Variants in TENM2 observed in about 807,000 individuals in gnomAD.
TENM2 encodes the protein teneurin-2.
In TENM2, 52 loss-of-function variants were observed where a neutral mutation model predicts 245.2. The ratio of observed to expected loss-of-function variants is 0.21; its 90% CI spans 0.17 to 0.27. The LOEUF (loss-of-function observed/expected upper bound fraction) is 0.27, where lower values mean the gene tolerates loss of function less well. Among genes scored for constraint, TENM2 ranks in the 10% least tolerant of loss-of-function variants. TENM2 has a pLI of 1.00. For synonymous variants in TENM2, 1,363 were observed against 1,438.9 expected (o/e 0.95, Z 1.19); for missense variants, 3,046 against 3,666.8 (o/e 0.83, Z 4.37).
At chr5:168,214,853 A>G (rs994145386) in intron 20 of TENM2, 187 bp from the exon 23 acceptor site, 3 of 689,028 alleles carry the variant, frequency 4.4e-6, no homozygotes, top group African/African-American at 3.5e-5. Context: ...CATAAGTCCA[A>G]TTAGAAGTAG....
intron 1 of TENM2, among the ~76,000 whole-genome samples, chr5:167,359,298 C>G (rs1224487742): frequency 6.6e-6 from 1 of 152,164 alleles, no homozygotes; most frequent in Non-Finnish European, 1.5e-5. Flanking sequence ...TGCCTTCATT[C>G]CAGCCACAAA....
Position 168,249,082 on chromosome 5 carries a change from T to G in TENM2, c.7432+711T>G, listed in dbSNP as rs193223053. Among the ~76,000 whole-genome samples, 75 of 149,460 alleles carry G rather than the reference T, an allele frequency of 5.0e-4. No homozygotes were observed. The East Asian group carries it at 0.013, about 27-fold the overall frequency. On this transcript the variant is annotated intron_variant, in intron 27 of 28. Transcript: ENST00000518659. ...TTGCAGTGAGTTGAGATCATGCCACTGCACTCCACCTAGCCTAGGTGACAG... is the reference window on the plus strand; with the variant it reads ...TTGCAGTGAGTTGAGATCATGCCACGGCACTCCACCTAGCCTAGGTGACAG...
intron 4 of TENM2, among the ~76,000 whole-genome samples, chr5:167,991,628 C>G (rs1024921199): frequency 2.0e-5 from 3 of 152,222 alleles, no homozygotes; most frequent in Admixed American, 1.3e-4. Context: ...TCTACACTGC[C>G]TGTTCTACTG....
chr5:167,958,433 A>G (rs530010238), intron 4 of TENM2, among the ~76,000 whole-genome samples: 3 of 152,172 alleles, frequency 2.0e-5, no homozygotes, highest in South Asian at 4.1e-4. Context: ...TCTTTATCCA[A>G]TTTGCCAGTC....
chr5:168,060,267 G>A (rs1789925417), intron 6 of TENM2, among the ~76,000 whole-genome samples: 2 of 151,722 alleles, frequency 1.3e-5, no homozygotes, highest in South Asian at 4.2e-4. Context: ...ACTTTAAGCA[G>A]ACAGGGATGG....
chr5:167,434,659 C>G (rs903837141), intron 2 of TENM2, among the ~76,000 whole-genome samples: 8 of 152,072 alleles, frequency 5.3e-5, no homozygotes, highest in African/African-American at 1.9e-4. Flanking sequence ...CAACACAATA[C>G]TCTGTCTTGT....
intron 1 of TENM2, among the ~76,000 whole-genome samples, chr5:167,344,280 A>ACG (rs1360514426): frequency 8.1e-5 from 10 of 122,822 alleles, no homozygotes; most frequent in African/African-American, 2.7e-4. Flanking sequence ...ATGCACGTGC[A>ACG]CGCACACACA....
chr5:167,451,194 C>T (rs1373012777), intron 2 of TENM2, among the ~76,000 whole-genome samples: 1 of 152,112 alleles, frequency 6.6e-6, no homozygotes, highest in Non-Finnish European at 1.5e-5. Context: ...TGTGCCGTTT[C>T]TCATATTTAA....
chr5:168,043,000 C>T (rs1477073970), intron 5 of TENM2, among the ~76,000 whole-genome samples: 7 of 152,186 alleles, frequency 4.6e-5, no homozygotes. Flanking sequence ...ATGAATTGTA[C>T]ATTTTGGCTG....
chr5:167,658,842 G>A (rs1755021550), intron 2 of TENM2, among the ~76,000 whole-genome samples: 3 of 152,160 alleles, frequency 2.0e-5, no homozygotes, highest in African/African-American at 7.2e-5. Flanking sequence ...AAGAATAATA[G>A]CAAGGAGAGA....
At chr5:167,971,499 A>C (rs1349946597) in intron 4 of TENM2, among the ~76,000 whole-genome samples, 1 of 152,086 alleles carries the variant, frequency 6.6e-6, no homozygotes, top group Non-Finnish European at 1.5e-5. Flanking sequence ...TCAGGAGTTC[A>C]AGACCAGCCT....
chr5:167,175,641 GC>G, the TENM2 span, among the ~76,000 whole-genome samples: 2 of 152,010 alleles, frequency 1.3e-5, no homozygotes, highest in East Asian at 1.9e-4. Context: ...CTGATAAAAG[GC>G]CCTCATTTCC....
At chr5:168,188,085 T>TA (rs1760633038) in intron 13 of TENM2, among the ~76,000 whole-genome samples, 1 of 152,190 alleles carries the variant, frequency 6.6e-6, no homozygotes, top group Non-Finnish European at 1.5e-5. Context: ...GTTTGTTTGC[T>TA]AAAAAGAAAG....
intron 2 of TENM2, among the ~76,000 whole-genome samples, chr5:167,545,039 A>AT (rs1772464315): frequency 6.6e-6 from 1 of 152,106 alleles, no homozygotes; most frequent in Non-Finnish European, 1.5e-5. Context: ...AATATTTTCT[A>AT]TTTGCTGCTG....
At position 167,947,488 on chromosome 5, in the gene TENM2, C is replaced by T. The variant is rs560274398; in HGVS notation, c.713-5100C>T. The stretch of plus-strand genomic sequence containing the variant: ...TCTGGTCAGTGGCCAAGCAGGGATT[C>T]AAGCCAACCACTAGCCTGAACATCT... On this transcript the variant is annotated intron_variant, in intron 3 of 28. Transcript: ENST00000518659. 4.6e-5 allele frequency among the ~76,000 whole-genome samples: 7 copies of T among 152,266 alleles called. No individual in the cohort carries two copies. In the South Asian group the frequency reaches 1.5e-3, roughly 32 times the overall value.
intron 7 of TENM2, among the ~76,000 whole-genome samples, chr5:168,079,187 A>T (rs1000782864): frequency 6.6e-6 from 1 of 152,048 alleles, no homozygotes; most frequent in Non-Finnish European, 1.5e-5. Flanking sequence ...ATTCTCTTTG[A>T]AGCAATTGTG....
At position 167,870,125 on chromosome 5, in the gene TENM2, G is replaced by A. The variant is rs191110355; in HGVS notation, c.503-5861G>A. 3.3e-3 allele frequency among the ~76,000 whole-genome samples: 500 copies of A among 152,208 alleles called. 2 individuals carry two copies. The highest frequency in any genetic ancestry group is 0.011 in the African/African-American group (462 of 41,542). On this transcript the variant is annotated intron_variant, in intron 2 of 28. Transcript: ENST00000518659. ...AACACAAAAGCCATGTTTTTATTAA[G>A]TTCTTGAAGTCACATAGGATTTTAA...
chr5:167,993,642 G>A (rs1364728426), intron 5 of TENM2, among the ~76,000 whole-genome samples: 1 of 152,180 alleles, frequency 6.6e-6, no homozygotes, highest in Non-Finnish European at 1.5e-5. Flanking sequence ...AAAGTAGCTA[G>A]CTTATTTTCA....
chr5:167,300,399 T>C (rs886395089), intron 1 of TENM2, among the ~76,000 whole-genome samples: 1 of 152,086 alleles, frequency 6.6e-6, no homozygotes, highest in East Asian at 1.9e-4. Flanking sequence ...AATAATGCGT[T>C]GTAGAGGGAG....
Sources: allele counts gnomAD v4.1 joint callset (sites outside exome capture counted in the v4.1 genomes callset), GRCh38; gene constraint gnomAD v4.1.1; transcripts MANE v1.5; gene names NCBI Gene and HGNC (gene_info 2026-07-23, HGNC 2026-07-21).